HDAC8: variants seen among roughly 807,000 people sequenced by gnomAD.
HDAC8 encodes the protein histone deacetylase-like 1.
HDAC8 carries 1 observed loss-of-function variant against 32.2 expected under a neutral mutation model. The ratio of observed to expected loss-of-function variants is 0.03; its 90% confidence interval spans 0.01 to 0.15. HDAC8 has a LOEUF of 0.15. HDAC8 is among the 10% of genes least tolerant of loss of function. The pLI, the probability that HDAC8 is intolerant of heterozygous loss-of-function variation, is 1.00. For missense variants in HDAC8, 117 were observed against 300.0 expected, an observed-to-expected ratio of 0.39 and a Z score of 4.51; for synonymous variants, 108 against 113.9, an observed-to-expected ratio of 0.95 and a Z score of 0.33.
chrX:72,369,798 A>T (rs1465602201), intron 9 of HDAC8, among the ~76,000 whole-genome samples: 1 of 113,162 alleles, frequency 8.8e-6, no homozygotes, highest in Non-Finnish European at 1.9e-5. Flanking sequence ...CTTTAATGAT[A>T]CACATAATGA....
chrX:72,439,264 G>A (rs1401039607), intron 9 of HDAC8, among the ~76,000 whole-genome samples: 4 of 111,594 alleles, frequency 3.6e-5, no homozygotes, highest in African/African-American at 1.3e-4. Flanking sequence ...GGCAAATGCT[G>A]AGAGATTTTG....
intron 4 of HDAC8, among the ~76,000 whole-genome samples, chrX:72,496,096 C>T (rs1325030616): frequency 9.0e-6 from 1 of 111,096 alleles, no homozygotes; most frequent in Non-Finnish European, 1.9e-5. Flanking sequence ...AGGCCTCATC[C>T]TAAATGCTTA....
chrX:72,391,622 A>G (rs1555963854), intron 9 of HDAC8, among the ~76,000 whole-genome samples: 1 of 111,932 alleles, frequency 8.9e-6, no homozygotes, highest in African/African-American at 3.2e-5. Context: ...CAACATTAGT[A>G]CAACTTATAT....
intron 9 of HDAC8, among the ~76,000 whole-genome samples, chrX:72,385,476 A>G (rs2045399152): frequency 9.0e-6 from 1 of 110,570 alleles, no homozygotes; most frequent in African/African-American, 3.3e-5. Flanking sequence ...ACCAAAACCA[A>G]AACGAAAAAA....
chrX:72,351,684 C>T, intron 10 of HDAC8, 49 bp downstream of exon 10: 1 of 971,062 alleles, frequency 1.0e-6, no homozygotes, highest in Non-Finnish European at 1.5e-6. Context: ...GATGGGCCAC[C>T]ACAAACTGGG....
At chrX:72,369,322 C>T (rs964923657) in intron 9 of HDAC8, among the ~76,000 whole-genome samples, 38 of 111,290 alleles carry the variant, frequency 3.4e-4, no homozygotes, top group African/African-American at 1.2e-3. Context: ...ATGATGAACC[C>T]GATGACTTTG....
rs189653859 is a variant in HDAC8 at position 72,455,377 on chromosome X, T to C, written c.1005+6627A>G. Among the ~76,000 whole-genome samples the C allele has an allele frequency of 2.1e-3, 232 of 111,872 alleles. 2 individuals are homozygous for C. Among genetic ancestry groups the C allele is most frequent in the African/African-American group, 7.2e-3 (222 of 30,877 alleles). On this transcript the variant is annotated intron_variant, in intron 9 of 10. Transcript: ENST00000373573. ...TTAAATCCTGATGCTGGATTTAATA[T>C]TCTGTGTGATGAAATTGGAGGTATA...
chrX:72,527,572 G>A (rs1296384179), intron 4 of HDAC8, among the ~76,000 whole-genome samples: 3 of 111,008 alleles, frequency 2.7e-5, no homozygotes, highest in African/African-American at 9.8e-5. Flanking sequence ...CCCAATGACC[G>A]AAACAAGTAT....
At chrX:72,567,858 G>A (rs1556138381) in intron 4 of HDAC8, 31 bp downstream of exon 4, 1 of 1,211,823 alleles carries the variant, frequency 8.3e-7, no homozygotes, top group South Asian at 1.8e-5. Flanking sequence ...CTCAAGGAAA[G>A]AGTCAGAAAA....
intron 10 of HDAC8, among the ~76,000 whole-genome samples, chrX:72,346,042 G>A (rs2044019170): frequency 8.9e-6 from 1 of 111,746 alleles, no homozygotes; most frequent in Non-Finnish European, 1.9e-5. Flanking sequence ...TTTAACAACA[G>A]CAATAACAAC....
intron 10 of HDAC8, 107 bp from the exon 11 acceptor site, chrX:72,330,183 G>A: frequency 3.2e-6 from 2 of 628,416 alleles, no homozygotes; most frequent in Non-Finnish European, 5.1e-6. Context: ...CTTATTCTCT[G>A]CTGCTCTTGG....
intron 9 of HDAC8, among the ~76,000 whole-genome samples, chrX:72,358,127 G>A (rs188205883): frequency 3.5e-4 from 38 of 110,049 alleles, no homozygotes; most frequent in African/African-American, 8.9e-4. Flanking sequence ...GGCTGGTCTC[G>A]CCTGGTCTCC....
chrX:72,370,177 C>A (rs782577913), intron 9 of HDAC8, among the ~76,000 whole-genome samples: 3 of 111,992 alleles, frequency 2.7e-5, no homozygotes, highest in Admixed American at 9.4e-5. Context: ...CTGATTAGTC[C>A]CCACTTTTCC....
chrX:72,553,242 C>T (rs2051149631), intron 4 of HDAC8, among the ~76,000 whole-genome samples: 1 of 111,161 alleles, frequency 9.0e-6, no homozygotes, highest in Non-Finnish European at 1.9e-5. Context: ...GACGGGGTTT[C>T]ACCATGTTGG....
chrX:72,374,204 C>G (rs1182603884), intron 9 of HDAC8, among the ~76,000 whole-genome samples: 2 of 111,190 alleles, frequency 1.8e-5, no homozygotes, highest in Non-Finnish European at 3.8e-5. Context: ...CACCAACATG[C>G]CCACCTAATT....
chrX:72,361,071 A>G (rs2044535433), intron 9 of HDAC8, among the ~76,000 whole-genome samples: 1 of 111,199 alleles, frequency 9.0e-6, no homozygotes, highest in Non-Finnish European at 1.9e-5. Context: ...GTGGAGGTGA[A>G]GATGGGGATG....
intron 9 of HDAC8, among the ~76,000 whole-genome samples, chrX:72,437,332 C>T (rs1352546961): frequency 1.8e-5 from 2 of 112,080 alleles, no homozygotes; most frequent in African/African-American, 3.2e-5. Flanking sequence ...TTCCCATGGA[C>T]TTCACAACCC....
chrX:72,417,832 T>C (rs1042667674), intron 9 of HDAC8, among the ~76,000 whole-genome samples: 2 of 111,780 alleles, frequency 1.8e-5, no homozygotes, highest in Non-Finnish European at 3.8e-5. Flanking sequence ...TACAAGGATA[T>C]AGTAACCAAA....
intron 10 of HDAC8, among the ~76,000 whole-genome samples, chrX:72,340,267 G>A (rs1007990753): frequency 6.3e-5 from 7 of 111,610 alleles, no homozygotes; most frequent in South Asian, 3.8e-4. Flanking sequence ...GCTGGGCCCC[G>A]GCAGTTGTCT....
Sources: allele counts gnomAD v4.1 joint callset (sites outside exome capture counted in the v4.1 genomes callset), GRCh38; gene constraint gnomAD v4.1.1; transcripts MANE v1.5; gene names NCBI Gene and HGNC (gene_info 2026-07-23, HGNC 2026-07-21).